MDGA2: variants seen among roughly 807,000 people sequenced by gnomAD.
MDGA2 encodes the protein MAM domain-containing glycosylphosphatidylinositol anchor protein 2.
MDGA2 carries 40 observed loss-of-function variants against 117.8 expected under a neutral mutation model. The observed-to-expected ratio is 0.34, with a 90% CI of 0.26 to 0.44. MDGA2 has a LOEUF of 0.44. Ranked by LOEUF, MDGA2 falls within the 20% of genes least tolerant of loss-of-function variation. The pLI is 1.00. For missense variants in MDGA2, 1,123 were observed against 1,250.6 expected (o/e 0.90, Z 1.54); for synonymous variants, 452 against 439.0 (o/e 1.03, Z -0.37).
intron 1 of MDGA2, among the ~76,000 whole-genome samples, chr14:47,313,430 G>C (rs889079279): frequency 6.6e-6 from 1 of 151,996 alleles, no homozygotes; most frequent in Non-Finnish European, 1.5e-5. Context: ...AAGCCACTAT[G>C]ACTGGCTAAT....
At chr14:47,601,457 TA>T (rs1359823579) in intron 1 of MDGA2, among the ~76,000 whole-genome samples, 3 of 152,080 alleles carry the variant, frequency 2.0e-5, no homozygotes, top group Non-Finnish European at 4.4e-5. Context: ...GACAAAGGAT[TA>T]AAAAGAAATA....
chr14:46,903,296 T>C (rs888703122), intron 10 of MDGA2, among the ~76,000 whole-genome samples: 3 of 152,192 alleles, frequency 2.0e-5, no homozygotes, highest in Admixed American at 1.3e-4. Flanking sequence ...TTTTAGAATA[T>C]ATTTTAACAG....
At chr14:47,618,178 GCTT>G (rs1896981943) in intron 1 of MDGA2, among the ~76,000 whole-genome samples, 1 of 152,192 alleles carries the variant, frequency 6.6e-6, no homozygotes, top group African/African-American at 2.4e-5. Flanking sequence ...TTGAGATGCT[GCTT>G]CTAATCAAGC....
At chr14:47,117,053 A>G (rs1594639384) in intron 5 of MDGA2, among the ~76,000 whole-genome samples, 1 of 149,460 alleles carries the variant, frequency 6.7e-6, no homozygotes, top group South Asian at 2.1e-4. Context: ...AAAACTCAAT[A>G]GCAAAAAACA....
chr14:47,472,747 C>T (rs1241844755), intron 1 of MDGA2, among the ~76,000 whole-genome samples: 1 of 152,046 alleles, frequency 6.6e-6, no homozygotes, highest in African/African-American at 2.4e-5. Context: ...GTGGAGAGGG[C>T]TCCTTCTTTT....
intron 1 of MDGA2, among the ~76,000 whole-genome samples, chr14:47,427,169 C>T (rs915293962): frequency 1.3e-5 from 2 of 152,104 alleles, no homozygotes; most frequent in Non-Finnish European, 2.9e-5. Context: ...AAATGGCATA[C>T]AAGGCCATTA....
intron 1 of MDGA2, among the ~76,000 whole-genome samples, chr14:47,563,591 T>G (rs1306567912): frequency 1.0e-4 from 8 of 79,244 alleles, no homozygotes; most frequent in South Asian, 1.0e-3. Flanking sequence ...TTTTTTTTTT[T>G]TTTTTTTTTT....
chr14:47,421,592 A>T (rs1892580853), intron 1 of MDGA2, among the ~76,000 whole-genome samples: 1 of 152,156 alleles, frequency 6.6e-6, no homozygotes, highest in Non-Finnish European at 1.5e-5. Flanking sequence ...TATTCAGGGA[A>T]AATATTTATT....
chr14:47,658,630 G>C (rs1897788444), intron 1 of MDGA2, among the ~76,000 whole-genome samples: 1 of 152,100 alleles, frequency 6.6e-6, no homozygotes, highest in Admixed American at 6.6e-5. Flanking sequence ...AGCTGTCTAA[G>C]ATGGGGTGTA....
chr14:46,880,711 A>G (rs777560003), intron 11 of MDGA2, among the ~76,000 whole-genome samples: 1 of 147,802 alleles, frequency 6.8e-6, no homozygotes, highest in Non-Finnish European at 1.5e-5. Flanking sequence ...CTGAAGCAGG[A>G]TAATTGCTTG....
chr14:47,003,036 TCTA>T, intron 8 of MDGA2, among the ~76,000 whole-genome samples: 2 of 152,242 alleles, frequency 1.3e-5, no homozygotes, highest in Middle Eastern at 6.8e-3. Flanking sequence ...CAAGAAATGA[TCTA>T]CTCTCTCTCA....
At chr14:47,381,526 A>G (rs1203120974) in intron 1 of MDGA2, among the ~76,000 whole-genome samples, 3 of 152,210 alleles carry the variant, frequency 2.0e-5, no homozygotes, top group Non-Finnish European at 4.4e-5. Flanking sequence ...CAGGATACAA[A>G]ATCAATGTGC....
chr14:46,937,546 A>G (rs1245774352), intron 9 of MDGA2, among the ~76,000 whole-genome samples: 1 of 152,152 alleles, frequency 6.6e-6, no homozygotes, highest in African/African-American at 2.4e-5. Context: ...AAGGCGTTAT[A>G]CTACCAATTT....
intron 1 of MDGA2, among the ~76,000 whole-genome samples, chr14:47,501,562 T>C (rs1291039711): frequency 6.6e-6 from 1 of 152,154 alleles, no homozygotes. Flanking sequence ...GTGGGCTTAT[T>C]TGGATAGAAA....
chr14:46,996,027 C>T (rs1014019761), intron 8 of MDGA2, among the ~76,000 whole-genome samples: 1 of 152,056 alleles, frequency 6.6e-6, no homozygotes, highest in East Asian at 1.9e-4. Flanking sequence ...CTACTCACTT[C>T]TAAGCCTGTG....
intron 1 of MDGA2, among the ~76,000 whole-genome samples, chr14:47,590,056 TTG>T (rs1018072204): frequency 1.3e-5 from 2 of 151,674 alleles, no homozygotes; most frequent in African/African-American, 4.8e-5. Flanking sequence ...AGTTCTAATT[TTG>T]TGTGTGTGTA....
chr14:47,323,562 G>T (rs1320114405), intron 1 of MDGA2, among the ~76,000 whole-genome samples: 2 of 151,758 alleles, frequency 1.3e-5, no homozygotes, highest in African/African-American at 4.8e-5. Context: ...AGCCTGGGAG[G>T]TGGAGGTTAC....
intron 8 of MDGA2, among the ~76,000 whole-genome samples, chr14:47,025,823 T>G (rs1888452629): frequency 6.6e-6 from 1 of 152,138 alleles, no homozygotes; most frequent in Admixed American, 6.6e-5. Flanking sequence ...CCAGGAGCAT[T>G]CATTTTCCTC....
chr14:47,573,685 C>T (rs546577448), intron 1 of MDGA2, among the ~76,000 whole-genome samples: 1 of 152,308 alleles, frequency 6.6e-6, no homozygotes, highest in Admixed American at 6.5e-5. Flanking sequence ...CATGCATTTA[C>T]TGGCCAACTT....
Sources: allele counts gnomAD v4.1 joint callset (sites outside exome capture counted in the v4.1 genomes callset), GRCh38; gene constraint gnomAD v4.1.1; transcripts MANE v1.5; gene names NCBI Gene and HGNC (gene_info 2026-07-23, HGNC 2026-07-21).